NCAN: variants seen among roughly 807,000 people sequenced by gnomAD.
NCAN encodes the protein neurocan.
NCAN carries 47 observed loss-of-function variants against 121.8 expected under a neutral mutation model. The ratio of observed to expected loss-of-function variants is 0.39; its 90% CI spans 0.31 to 0.49. The LOEUF (loss-of-function observed/expected upper bound fraction) is 0.49. NCAN is among the 20% of genes least tolerant of loss of function. NCAN has a pLI of 0.92. For synonymous variants in NCAN, 633 were observed against 702.0 expected (o/e 0.90, Z 1.55); for missense variants, 1,517 against 1,773.4 (o/e 0.86, Z 2.60).
chr19:19,248,092 G>A (rs981780976), intron 13 of NCAN, among the ~76,000 whole-genome samples: 4 of 152,098 alleles, frequency 2.6e-5, no homozygotes, highest in Non-Finnish European at 4.4e-5. Flanking sequence ...AGGCTGCAGT[G>A]AGTTGTGATT....
chr19:19,235,527 A>G (rs908001984), intron 10 of NCAN, among the ~76,000 whole-genome samples: 9 of 151,158 alleles, frequency 6.0e-5, no homozygotes, highest in Non-Finnish European at 1.3e-4. Flanking sequence ...CCACCTTGGC[A>G]TCCCAAAGTG....
rs1037653527 is a variant in NCAN at position 19,212,749 on chromosome 19, A to G, written c.-8+685A>G. Among the ~76,000 whole-genome samples the G allele has an allele frequency of 1.3e-5, 2 of 152,176 alleles. No individual in the cohort carries two copies. Among genetic ancestry groups the G allele is most frequent in the African/African-American group, 4.8e-5 (2 of 41,448 alleles). On this transcript the variant is annotated intron_variant, in intron 1 of 14. Transcript: ENST00000252575. The surrounding 1 kb of genome is among the most constrained non-coding windows in gnomAD (Gnocchi z 4.5). ...GGGTTGAGGTGTTGTCCCTTATCCC[A>G]GGGAACACACTGGGTGTCCCAGGTG...
chr19:19,245,220 G>T, intron 12 of NCAN, 93 bp from the exon 13 acceptor site: 1 of 1,469,112 alleles, frequency 6.8e-7, no homozygotes, highest in Middle Eastern at 2.2e-4. Flanking sequence ...TGAGTTTGAG[G>T]GGTCTGGCCA....
chr19:19,240,238 G>A (rs923179371), intron 11 of NCAN, among the ~76,000 whole-genome samples: 1 of 150,188 alleles, frequency 6.7e-6, no homozygotes, highest in Non-Finnish European at 1.5e-5. Flanking sequence ...AGGTTAGGGA[G>A]GGCATCTGTG....
At chr19:19,221,845 C>A (rs1010891145) in intron 3 of NCAN, among the ~76,000 whole-genome samples, 1 of 151,906 alleles carries the variant, frequency 6.6e-6, no homozygotes, top group African/African-American at 2.4e-5. Flanking sequence ...GAGCTGAGAT[C>A]GCACCACTGC....
rs772755449 is a variant in NCAN, at chr19:19,228,632, G to A, written c.3012G>A (p.Ala1004=). ...ALPGTPMNAG[A]EEVHSDPCEN... ...CAGGGACCCCTATGAATGCAGGTGC[G>A]GAGGAGGGTGAGTACAAAGTCCCGG... Residue 1004 remains alanine, a synonymous_variant, in exon 8 of 15, where the codon GCG becomes GCA. Transcript: ENST00000252575. 1.7e-5 allele frequency: 27 copies of A among 1,607,990 alleles called. No homozygotes were observed. Among genetic ancestry groups the A allele is most frequent in the South Asian group, 5.5e-5 (5 of 90,748 alleles).
rs147224180 is a variant in NCAN at position 19,224,363 on chromosome 19, G to T, written c.708G>T (p.Gly236=). The change falls in exon 5 of 15, where the codon GGG becomes GGT. Residue 236 remains glycine, a synonymous_variant. Transcript: ENST00000252575. ...ATGGCGACCGTAGCAGCCTTCCAGG[G>T]GTTCGGAGCTATGGGAGGCGCAACC... ...GCYGDRSSLP[G]VRSYGRRNPQ... 1 of 1,614,086 alleles carries T rather than the reference G, an allele frequency of 6.2e-7. No individual in the cohort carries two copies.
chr19:19,216,739 G>A (rs1408553508), intron 1 of NCAN, among the ~76,000 whole-genome samples: 2 of 152,246 alleles, frequency 1.3e-5, no homozygotes, highest in East Asian at 1.9e-4. Context: ...ACCGCGTCCA[G>A]CCACTGCTAT....
intron 12 of NCAN, among the ~76,000 whole-genome samples, chr19:19,241,129 G>A (rs1300580764): frequency 6.6e-6 from 1 of 152,006 alleles, no homozygotes; most frequent in Non-Finnish European, 1.5e-5. Context: ...GGTGGCCCAC[G>A]CCTCTAATCC....
chr19:19,248,121 C>G (rs1202547210), intron 13 of NCAN, among the ~76,000 whole-genome samples: 2 of 151,988 alleles, frequency 1.3e-5, no homozygotes, highest in African/African-American at 4.8e-5. Context: ...GCACTCCAGC[C>G]TGAGCGACAA....
Position 19,226,499 on chromosome 19 carries a change from G to C in NCAN, c.1086G>C (p.Thr362=). ...TTTCTCCCACAGCTCATCACCCCAC[G>C]TCACAACATGGAGACCTAGAGACCC... ...DAYCFRAHHP[T]SQHGDLETPS... The change falls in exon 7 of 15, where the codon ACG becomes ACC. Residue 362 remains threonine (T), a synonymous_variant. Coordinates refer to ENST00000252575, the MANE Select transcript of NCAN (RefSeq NM_004386.3). The C allele has an allele frequency of 6.3e-7, 1 of 1,587,592 alleles. No individual in the cohort carries two copies.
chr19:19,230,386 G>A (rs1015315120), intron 8 of NCAN, among the ~76,000 whole-genome samples: 5 of 140,400 alleles, frequency 3.6e-5, no homozygotes, highest in East Asian at 4.2e-4. Context: ...TTTAACTACC[G>A]CACCCCCCAC....
intron 12 of NCAN, among the ~76,000 whole-genome samples, chr19:19,241,615 T>A (rs1290072881): frequency 1.3e-5 from 2 of 151,300 alleles, no homozygotes; most frequent in African/African-American, 4.9e-5. Flanking sequence ...GGCGGGAGGA[T>A]CACTTAAGCC....
At chr19:19,231,259 C>A (rs1400248038) in intron 8 of NCAN, among the ~76,000 whole-genome samples, 1 of 151,562 alleles carries the variant, frequency 6.6e-6, no homozygotes, top group Non-Finnish European at 1.5e-5. Flanking sequence ...GGTGAAGTGC[C>A]TTGTGCAGCC....
chr19:19,236,279 C>G (rs1433408253), intron 10 of NCAN, among the ~76,000 whole-genome samples: 1 of 152,176 alleles, frequency 6.6e-6, no homozygotes, highest in East Asian at 1.9e-4. Context: ...AAATATGTGT[C>G]TTTTGTGTCT....
At position 19,250,924 on chromosome 19, in the gene NCAN, GC is replaced by G. The variant is rs1481265225; in HGVS notation, c.*1014del. ...AAACTTGAAGTAGTGACACCTACCT[GC>G]GGTCATATTGTAGAGAGATGCTCAG... is the stretch of plus-strand genomic sequence containing the variant. On this transcript the variant is annotated 3_prime_UTR_variant, in exon 15 of 15. Coordinates refer to ENST00000252575, the MANE Select transcript of NCAN (RefSeq NM_004386.3). 7 of 152,290 alleles carry G rather than the reference GC, an allele frequency of 4.6e-5. No individual in the cohort carries two copies. Among genetic ancestry groups the G allele is most frequent in the Non-Finnish European group, 8.8e-5 (6 of 68,108 alleles). 9.4% of individuals were successfully genotyped at this position (152,290 alleles called of 1,614,324 possible).
chr19:19,230,308 G>A (rs544615561), intron 8 of NCAN, among the ~76,000 whole-genome samples: 8 of 151,926 alleles, frequency 5.3e-5, no homozygotes, highest in East Asian at 1.9e-4. Context: ...GCCTCCCAAA[G>A]TGCTGGGATT....
At chr19:19,232,034 G>A (rs1489864249) in intron 8 of NCAN, among the ~76,000 whole-genome samples, 2 of 152,042 alleles carry the variant, frequency 1.3e-5, no homozygotes, top group African/African-American at 4.8e-5. Context: ...CGGGCTAGGT[G>A]GGGATCAACC....
rs765051377 is a variant in NCAN at position 19,233,869 on chromosome 19, T to C, written c.3100T>C (p.Cys1034Arg). 6.2e-7 allele frequency: 1 copy of C among 1,613,900 alleles called. No individual in the cohort carries two copies. The highest frequency in any genetic ancestry group is 8.5e-7 in the Non-Finnish European group (1 of 1,179,746). ...CAATGGCACCATGTATGGCTGTAGC[T>C]GTGATCAGGGCTTCGCCGGGGAGAA... ...NANGTMYGCS[C>R]DQGFAGENCE... The change falls in exon 9 of 15, where the codon TGT becomes CGT. Residue 1034 changes from cysteine (C) to arginine (R), a missense_variant. By Grantham distance (180) the Cys-to-Arg change is radical. Coordinates refer to ENST00000252575, the MANE Select transcript of NCAN (RefSeq NM_004386.3).
Sources: allele counts gnomAD v4.1 joint callset (sites outside exome capture counted in the v4.1 genomes callset), GRCh38; gene constraint gnomAD v4.1.1; non-coding constraint Gnocchi (gnomAD v3.1); transcripts MANE v1.5; gene names NCBI Gene and HGNC (gene_info 2026-07-23, HGNC 2026-07-21).